The following RANBP17 variants were observed in gnomAD, a reference collection of about 807,000 sequenced individuals.
The protein encoded by RANBP17 is ran-binding protein 17.
Under a neutral mutation model 141.2 loss-of-function variants are expected in RANBP17, and 158 were observed. That is an observed-to-expected ratio of 1.12 (90% CI 0.98 to 1.28). The LOEUF (loss-of-function observed/expected upper bound fraction) is 1.28. Among genes scored for constraint, RANBP17 ranks in the 50% most tolerant of loss-of-function variants. The pLI is 0.00. For missense variants in RANBP17, 1,438 were observed against 1,290.7 expected (o/e 1.11, Z -1.75); for synonymous variants, 430 against 450.0 (o/e 0.96, Z 0.56).
chr5:171,213,707 T>C lies in RANBP17; in HGVS notation c.2308T>C (p.Leu770=), dbSNP rs113250874. 11 of 1,613,512 alleles carry C rather than the reference T, an allele frequency of 6.8e-6. No homozygotes were observed. The African/African-American group carries it at 1.2e-4, about 18-fold the overall frequency. ...YGEPTCTTPI[L]KLMAELMQNR... ...AGAGCCAACATGTACAACTCCCATCTTGAAACTTATGGCAGAACTTATGCA... is the reference window on the plus strand; with the variant it reads ...AGAGCCAACATGTACAACTCCCATCCTGAAACTTATGGCAGAACTTATGCA... Residue 770 remains leucine (L), a synonymous_variant, in exon 21 of 28, where the codon TTG becomes CTG. Coordinates refer to ENST00000523189, the MANE Select transcript of RANBP17 (RefSeq NM_022897.5).
At chr5:171,021,112 G>GCAGAGAGATTC (rs1202982254) in intron 14 of RANBP17, among the ~76,000 whole-genome samples, 1 of 152,266 alleles carries the variant, frequency 6.6e-6, no homozygotes, top group Non-Finnish European at 1.5e-5. Context: ...CCACTCTTCT[G>GCAGAGAGATTC]GCTTATAGGG....
In RANBP17 at chr5:170,893,823, G is replaced by A. The variant is rs577738254; in HGVS notation, c.423+1270G>A. Among the ~76,000 whole-genome samples the A allele has an allele frequency of 3.6e-4, 54 of 151,968 alleles. No individual in the cohort carries two copies. In the South Asian group the frequency reaches 0.01, roughly 29 times the overall value. ...AAAAAAAAAGAAAAATCCATGCTCTGTTAGTATTCTTGAGGAAAAATTGGC... is the reference window on the plus strand; with the variant it reads ...AAAAAAAAAGAAAAATCCATGCTCTATTAGTATTCTTGAGGAAAAATTGGC... On this transcript the variant is annotated intron_variant, in intron 4 of 27. Transcript: ENST00000523189.
At chr5:170,976,980 G>T (rs1447280124) in intron 14 of RANBP17, among the ~76,000 whole-genome samples, 1 of 152,012 alleles carries the variant, frequency 6.6e-6, no homozygotes, top group Admixed American at 6.5e-5. Context: ...AGCAGCTAAA[G>T]AAAAAGATAC....
chr5:170,897,331 G>C (rs1298471560), intron 5 of RANBP17: 1 of 568,270 alleles, frequency 1.8e-6, no homozygotes, highest in Non-Finnish European at 3.4e-6. Context: ...CAGGATCTGG[G>C]CTTGGCACAT....
At chr5:171,262,633 T>C (rs182379112) in intron 24 of RANBP17, among the ~76,000 whole-genome samples, 1 of 150,596 alleles carries the variant, frequency 6.6e-6, no homozygotes, top group Admixed American at 6.6e-5. Flanking sequence ...ATTTATCATT[T>C]GTTTGTGTTG....
chr5:171,258,047 A>G (rs939506149), intron 24 of RANBP17, among the ~76,000 whole-genome samples: 2 of 151,278 alleles, frequency 1.3e-5, no homozygotes, highest in African/African-American at 4.9e-5. Flanking sequence ...CAGAGGTTGC[A>G]GTGAGCCGAG....
At position 170,919,424 on chromosome 5, in the gene RANBP17, G is replaced by T; in HGVS notation, c.1102-17G>T. Reference sequence around the variant, plus strand: ...AGATGTAATATTTTAAATAACTTCTGCTTTATTTCTTTGTAGCACTGGGAA... The same window carrying T: ...AGATGTAATATTTTAAATAACTTCTTCTTTATTTCTTTGTAGCACTGGGAA... On this transcript the variant is annotated splice_polypyrimidine_tract_variant and intron_variant, in intron 10 of 27. Coordinates refer to ENST00000523189, the MANE Select transcript of RANBP17 (RefSeq NM_022897.5). The T allele has an allele frequency of 6.6e-7, 1 of 1,503,998 alleles. No individual in the cohort carries two copies. Among genetic ancestry groups the T allele is most frequent in the Non-Finnish European group, 8.9e-7 (1 of 1,118,160 alleles). The allele number at this position is 1,503,998 out of a possible 1,614,324, so 93.2% of individuals were successfully genotyped here.
At chr5:171,089,163 G>T (rs1171804202) in intron 14 of RANBP17, among the ~76,000 whole-genome samples, 1 of 148,936 alleles carries the variant, frequency 6.7e-6, no homozygotes, top group Non-Finnish European at 1.5e-5. Context: ...CTTTCTGTTT[G>T]TTTTCCTTCT....
chr5:170,991,487 C>T (rs1275409332), intron 14 of RANBP17, among the ~76,000 whole-genome samples: 2 of 151,860 alleles, frequency 1.3e-5, no homozygotes, highest in Admixed American at 1.3e-4. Context: ...AGAAACTTGG[C>T]TTGTGATTCC....
At chr5:171,154,105 T>G (rs1319621654) in intron 14 of RANBP17, among the ~76,000 whole-genome samples, 1 of 148,242 alleles carries the variant, frequency 6.7e-6, no homozygotes, top group Non-Finnish European at 1.5e-5. Flanking sequence ...TTAGTTTTTT[T>G]TTTTTTTTTT....
rs1768330959 is a variant in RANBP17, at chr5:170,878,007, A to G, written c.19-90A>G. 24 of 876,146 alleles carry G rather than the reference A, an allele frequency of 2.7e-5. 1 individual carries two copies. The South Asian group carries it at 5.8e-4, about 21-fold the overall frequency. The allele number at this position is 876,146 out of a possible 1,614,324, so 54.3% of individuals were successfully genotyped here. Reference sequence around the variant, plus strand: ...ACATGTATTGAATTAATGAATACACATGTGATATTTGTATCCCTTGTTTTT... The same window carrying G: ...ACATGTATTGAATTAATGAATACACGTGTGATATTTGTATCCCTTGTTTTT... On this transcript the variant is annotated intron_variant, in intron 1 of 27. Coordinates refer to ENST00000523189, the MANE Select transcript of RANBP17 (RefSeq NM_022897.5).
chr5:171,033,235 A>T (rs1581448783), intron 14 of RANBP17, among the ~76,000 whole-genome samples: 1 of 152,096 alleles, frequency 6.6e-6, no homozygotes, highest in Non-Finnish European at 1.5e-5. Flanking sequence ...AGCATACTAT[A>T]CATTTTGTTT....
At chr5:171,146,006 A>C (rs1276251382) in intron 14 of RANBP17, among the ~76,000 whole-genome samples, 1 of 152,214 alleles carries the variant, frequency 6.6e-6, no homozygotes, top group Non-Finnish European at 1.5e-5. Context: ...CATTTTACAT[A>C]AATTTTTTCT....
intron 13 of RANBP17, among the ~76,000 whole-genome samples, chr5:170,960,664 C>A (rs1663011674): frequency 6.6e-6 from 1 of 152,202 alleles, no homozygotes; most frequent in African/African-American, 2.4e-5. Flanking sequence ...TTTAAACGGA[C>A]TTCTTGCTTC....
intron 13 of RANBP17, among the ~76,000 whole-genome samples, chr5:170,959,283 C>A: frequency 6.6e-6 from 1 of 152,160 alleles, no homozygotes; most frequent in Non-Finnish European, 1.5e-5. Context: ...GCTTTCTGAT[C>A]AGATAATATT....
At chr5:171,022,560 G>A (rs961285759) in intron 14 of RANBP17, among the ~76,000 whole-genome samples, 3 of 152,212 alleles carry the variant, frequency 2.0e-5, no homozygotes, top group Non-Finnish European at 4.4e-5. Context: ...GCCTGAAAAG[G>A]CACTCTGACC....
At chr5:171,213,369 A>T (rs773052468) in intron 20 of RANBP17, among the ~76,000 whole-genome samples, 1 of 152,184 alleles carries the variant, frequency 6.6e-6, no homozygotes, top group Non-Finnish European at 1.5e-5. Flanking sequence ...TTTATACAGT[A>T]TTCTAAGAAC....
At chr5:170,933,708 A>T (rs1165425838) in intron 12 of RANBP17, among the ~76,000 whole-genome samples, 1 of 152,106 alleles carries the variant, frequency 6.6e-6, no homozygotes, top group Non-Finnish European at 1.5e-5. Flanking sequence ...TTCAGTTTCC[A>T]TGTAGTTGAG....
chr5:171,089,225 G>C (rs1399458160), intron 14 of RANBP17, among the ~76,000 whole-genome samples: 1 of 116,852 alleles, frequency 8.6e-6, no homozygotes, highest in African/African-American at 2.8e-5. Flanking sequence ...GCAGTGTGAG[G>C]TGTCAGTGTG....
Sources: gnomAD v4.1 joint callset for allele counts (sites outside exome capture counted in the v4.1 genomes callset) on GRCh38, gnomAD v4.1.1 for gene constraint, MANE v1.5 for transcripts, NCBI Gene and HGNC (gene_info 2026-07-23, HGNC 2026-07-21) for gene names.